The following PTPRD variants were observed in gnomAD, a reference collection of about 807,000 sequenced individuals.
PTPRD encodes the protein receptor-type tyrosine-protein phosphatase delta.
In PTPRD, 34 loss-of-function variants were observed where a neutral mutation model predicts 214.5. That is an observed-to-expected ratio of 0.16 (90% CI 0.12 to 0.21). PTPRD has a LOEUF of 0.21. Ranked by LOEUF, PTPRD falls within the 10% of genes least tolerant of loss-of-function variation. The pLI is 1.00. For synonymous variants in PTPRD, 1,128 were observed against 845.7 expected, an observed-to-expected ratio of 1.33 and a Z score of -5.79; for missense variants, 2,545 against 2,398.7, an observed-to-expected ratio of 1.06 and a Z score of -1.27.
intron 11 of PTPRD, among the ~76,000 whole-genome samples, chr9:8,927,882 T>A (rs980822885): frequency 6.6e-6 from 1 of 152,230 alleles, no homozygotes; most frequent in Non-Finnish European, 1.5e-5. Context: ...GTTTCCTGAC[T>A]TTTTAATGAT....
At chr9:8,470,471 T>C (rs2096630474) in intron 31 of PTPRD, among the ~76,000 whole-genome samples, 2 of 152,190 alleles carry the variant, frequency 1.3e-5, no homozygotes, top group South Asian at 2.1e-4. Context: ...GTTTTCTCTA[T>C]AGTTAAATGC....
Position 9,022,893 on chromosome 9 carries a change from A to T in PTPRD, c.-142-4158T>A, listed in dbSNP as rs571401778. 2.0e-5 allele frequency among the ~76,000 whole-genome samples: 3 copies of T among 152,282 alleles called. No homozygotes were observed. In the South Asian group the frequency reaches 6.2e-4, roughly 32 times the overall value. Reference sequence around the variant, plus strand: ...GCAAACAATATTGGAATTATAGTGTATTATTATAGAAGGAAAATAAAATGT... The same window carrying T: ...GCAAACAATATTGGAATTATAGTGTTTTATTATAGAAGGAAAATAAAATGT... On this transcript the variant is annotated intron_variant, in intron 10 of 45. Transcript: ENST00000381196.
At chr9:8,331,495 A>T (rs1841017252) in intron 44 of PTPRD, 87 bp downstream of exon 44, 1 of 1,475,024 alleles carries the variant, frequency 6.8e-7, no homozygotes, top group Non-Finnish European at 9.2e-7. Context: ...TAAAATTTCA[A>T]ATAAGCAAAC....
chr9:9,711,592 T>C lies in PTPRD; in HGVS notation c.-287+22941A>G, dbSNP rs566775997. Among the ~76,000 whole-genome samples, 3 of 152,310 alleles carry C rather than the reference T, an allele frequency of 2.0e-5. No individual in the cohort carries two copies. The South Asian group carries it at 6.2e-4, about 32-fold the overall frequency. Reference sequence around the variant, plus strand: ...GAGTATACTATTTCTATTGGAGCTATGTCCACTTTATTCCAGTGGTTCTCA... The same window carrying C: ...GAGTATACTATTTCTATTGGAGCTACGTCCACTTTATTCCAGTGGTTCTCA... On this transcript the variant is annotated intron_variant, in intron 7 of 45. Transcript: ENST00000381196.
At chr9:9,145,209 C>T (rs1400110087) in intron 10 of PTPRD, among the ~76,000 whole-genome samples, 1 of 152,122 alleles carries the variant, frequency 6.6e-6, no homozygotes, top group African/African-American at 2.4e-5. Context: ...ATTTATTTAA[C>T]ATGCAACTTA....
intron 10 of PTPRD, among the ~76,000 whole-genome samples, chr9:9,036,058 A>C (rs2099620733): frequency 6.6e-6 from 1 of 152,108 alleles, no homozygotes; most frequent in Non-Finnish European, 1.5e-5. Context: ...TTATTTTTCA[A>C]GTGTGTAAGA....
chr9:8,593,776 T>C (rs2094291277), intron 14 of PTPRD, among the ~76,000 whole-genome samples: 1 of 152,154 alleles, frequency 6.6e-6, no homozygotes, highest in African/African-American at 2.4e-5. Context: ...TCACAAATGG[T>C]GATGATGATC....
chr9:8,799,160 C>T (rs1226282482), intron 11 of PTPRD, among the ~76,000 whole-genome samples: 1 of 152,162 alleles, frequency 6.6e-6, no homozygotes, highest in Non-Finnish European at 1.5e-5. Flanking sequence ...ACTTCTCTTT[C>T]AAATTTGTCT....
chr9:9,716,862 C>A (rs1431804786), intron 7 of PTPRD, among the ~76,000 whole-genome samples: 1 of 151,716 alleles, frequency 6.6e-6, no homozygotes, highest in Non-Finnish European at 1.5e-5. Flanking sequence ...TAATGAGATC[C>A]CATTTGTCAA....
intron 12 of PTPRD, among the ~76,000 whole-genome samples, chr9:8,665,583 C>T (rs577453451): frequency 1.9e-4 from 29 of 152,002 alleles, no homozygotes; most frequent in Non-Finnish European, 4.0e-4. Flanking sequence ...TTCATTCTAC[C>T]CATCTAATCC....
In PTPRD at chr9:8,500,756, T is replaced by C. The variant is rs1307672375; in HGVS notation, c.2126A>G (p.Asp709Gly). The C allele has an allele frequency of 8.1e-6, 13 of 1,613,854 alleles. No individual in the cohort carries two copies. Among genetic ancestry groups the C allele is most frequent in the Non-Finnish European group, 1.1e-5 (13 of 1,179,888 alleles). ...SLSVLIRTNE[D>G]VPSGPPRKVE... is the part of the protein sequence containing the mutation. ...CTGACGTAGCGGAGGCAACATACCATCTTCATTGGTTCGAATCAACACGGA... is the reference window on the plus strand; with the variant it reads ...CTGACGTAGCGGAGGCAACATACCACCTTCATTGGTTCGAATCAACACGGA... The change falls in exon 24 of 46, where the codon GAT (aspartate) becomes GGT (glycine). Residue 709 changes from aspartate to glycine, a missense_variant and splice_region_variant. Asp to Gly is a moderately conservative substitution (Grantham distance 94). Transcript: ENST00000381196.
intron 3 of PTPRD, among the ~76,000 whole-genome samples, chr9:10,185,006 TCAGA>T (rs1343995199): frequency 6.6e-6 from 1 of 152,134 alleles, no homozygotes; most frequent in East Asian, 1.9e-4. Flanking sequence ...GTGTAAAAAA[TCAGA>T]CACTCTATTT....
At chr9:8,617,133 A>T (rs770583070) in intron 14 of PTPRD, among the ~76,000 whole-genome samples, 29 of 152,254 alleles carry the variant, frequency 1.9e-4, no homozygotes, top group Non-Finnish European at 3.7e-4. Flanking sequence ...ATATAAACCA[A>T]AATACACTGA....
At chr9:9,880,662 G>T (rs1224543008) in intron 5 of PTPRD, among the ~76,000 whole-genome samples, 1 of 152,100 alleles carries the variant, frequency 6.6e-6, no homozygotes, top group Non-Finnish European at 1.5e-5. Context: ...GTGATAAGCA[G>T]TGTTTTATAC....
At chr9:9,388,964 G>T (rs1586827625) in intron 9 of PTPRD, among the ~76,000 whole-genome samples, 1 of 152,226 alleles carries the variant, frequency 6.6e-6, no homozygotes, top group East Asian at 1.9e-4. Flanking sequence ...ATAAATCAGT[G>T]TGGGAGAAAA....
chr9:9,586,968 A>G (rs1305454406), intron 7 of PTPRD, among the ~76,000 whole-genome samples: 3 of 152,026 alleles, frequency 2.0e-5, no homozygotes, highest in African/African-American at 7.2e-5. Flanking sequence ...ACTGGAGAGC[A>G]TAAGTCATCA....
chr9:8,427,131 G>A (rs534258282), intron 35 of PTPRD, among the ~76,000 whole-genome samples: 29 of 152,106 alleles, frequency 1.9e-4, no homozygotes, highest in Non-Finnish European at 3.5e-4. Flanking sequence ...ATGGCCGACT[G>A]GTAGGCCAAT....
chr9:9,802,652 T>TA (rs1224549589), intron 5 of PTPRD, among the ~76,000 whole-genome samples: 68 of 149,698 alleles, frequency 4.5e-4, no homozygotes, highest in Non-Finnish European at 6.4e-4. Context: ...ACGTTTTTTT[T>TA]TAAAAAAAAT....
At chr9:8,354,730 T>C (rs993117810) in intron 39 of PTPRD, among the ~76,000 whole-genome samples, 1 of 152,190 alleles carries the variant, frequency 6.6e-6, no homozygotes, top group Non-Finnish European at 1.5e-5. Flanking sequence ...GGTCCACGTC[T>C]CCCCTTCCAC....
Sources: gnomAD v4.1 joint callset for allele counts (sites outside exome capture counted in the v4.1 genomes callset) on GRCh38, gnomAD v4.1.1 for gene constraint, MANE v1.5 for transcripts, NCBI Gene and HGNC (gene_info 2026-07-23, HGNC 2026-07-21) for gene names.